The following PHF24 variants were observed in gnomAD, a reference collection of about 807,000 sequenced individuals.
The protein encoded by PHF24 is Galpha inhibitory interacting protein.
PHF24 carries 25 observed loss-of-function variants against 42.6 expected under a neutral mutation model. The observed-to-expected ratio is 0.59, with a 90% CI of 0.43 to 0.82. The LOEUF is 0.82. PHF24 is among the 40% of genes least tolerant of loss of function. The pLI, the probability that PHF24 is intolerant of heterozygous loss-of-function variation, is 0.00. For missense variants in PHF24, 470 were observed against 538.1 expected (o/e 0.87, Z 1.25); for synonymous variants, 185 against 204.8 (o/e 0.90, Z 0.83).
At chr9:34,914,616 C>A in the PHF24 span, among the ~76,000 whole-genome samples, 4 of 152,128 alleles carry the variant, frequency 2.6e-5, no homozygotes, top group Non-Finnish European at 5.9e-5. Context: ...CCATGAATCT[C>A]ATGTCGGTTC....
chr9:34,720,471 A>C, the PHF24 span, among the ~76,000 whole-genome samples: 3 of 150,896 alleles, frequency 2.0e-5, no homozygotes, highest in South Asian at 4.2e-4. Flanking sequence ...ACAAAACAAA[A>C]CAAAAAACAT....
chr9:34,948,006 G>A, the PHF24 span, among the ~76,000 whole-genome samples: 2 of 151,892 alleles, frequency 1.3e-5, no homozygotes, highest in African/African-American at 2.4e-5. Flanking sequence ...CTACTCGGGA[G>A]GCTGAGGCAG....
the PHF24 span, chr9:34,723,615 A>T: frequency 1.9e-6 from 3 of 1,551,650 alleles, no homozygotes; most frequent in Non-Finnish European, 1.7e-6. Flanking sequence ...CTGAAGCTAG[A>T]CTCTGTAAGG....
At chr9:34,803,738 T>C in the PHF24 span, among the ~76,000 whole-genome samples, 1 of 152,212 alleles carries the variant, frequency 6.6e-6, no homozygotes, top group South Asian at 2.1e-4. Flanking sequence ...ACTCTTCCTA[T>C]GTCCATAAAG....
At chr9:34,741,166 A>G in the PHF24 span, among the ~76,000 whole-genome samples, 2 of 151,900 alleles carry the variant, frequency 1.3e-5, no homozygotes, top group Admixed American at 6.6e-5. Context: ...GATTACAGGC[A>G]TGAGCCACTG....
the PHF24 span, among the ~76,000 whole-genome samples, chr9:34,679,717 A>T: frequency 1.3e-5 from 2 of 152,090 alleles, no homozygotes; most frequent in African/African-American, 4.8e-5. Flanking sequence ...CCTTCTCAAA[A>T]AACTTCCATA....
chr9:34,787,035 T>C, the PHF24 span, among the ~76,000 whole-genome samples: 2 of 152,058 alleles, frequency 1.3e-5, no homozygotes, highest in African/African-American at 4.8e-5. Context: ...CAGGACTTTG[T>C]GGCCAGCGCT....
the PHF24 span, among the ~76,000 whole-genome samples, chr9:34,801,821 A>T: frequency 6.7e-6 from 1 of 149,910 alleles, no homozygotes; most frequent in Middle Eastern, 3.4e-3. Context: ...AGAAAACCAA[A>T]CACTGCATGT....
chr9:34,772,992 T>C, the PHF24 span, among the ~76,000 whole-genome samples: 1 of 139,616 alleles, frequency 7.2e-6, no homozygotes, highest in Non-Finnish European at 1.6e-5. Context: ...CAGAGTTCTG[T>C]TTTTTTTTTT....
At chr9:34,805,100 A>G in the PHF24 span, among the ~76,000 whole-genome samples, 4 of 152,280 alleles carry the variant, frequency 2.6e-5, no homozygotes, top group African/African-American at 9.6e-5. Flanking sequence ...TTGTTTATCC[A>G]TTTATTTGCT....
the PHF24 span, among the ~76,000 whole-genome samples, chr9:34,698,222 G>T: frequency 6.6e-6 from 1 of 151,986 alleles, no homozygotes; most frequent in Non-Finnish European, 1.5e-5. Flanking sequence ...CCTCTTGATT[G>T]GGTGGGGGGC....
chr9:34,872,208 AT>A, the PHF24 span, among the ~76,000 whole-genome samples: 1 of 150,306 alleles, frequency 6.7e-6, no homozygotes, highest in African/African-American at 2.4e-5. Flanking sequence ...TTTATTTTTT[AT>A]TTTTTTATTA....
intron 1 of PHF24, 83 bp from the exon 2 acceptor site, chr9:34,971,212 C>G: frequency 6.8e-7 from 1 of 1,463,010 alleles, no homozygotes; most frequent in Non-Finnish European, 9.2e-7. Context: ...TGTTTAATAG[C>G]CCTTGCCACT....
chr9:34,907,229 T>C, the PHF24 span, among the ~76,000 whole-genome samples: 2 of 152,180 alleles, frequency 1.3e-5, no homozygotes, highest in Non-Finnish European at 2.9e-5. Context: ...CCTCTCACTT[T>C]CCCTTAACGT....
the PHF24 span, among the ~76,000 whole-genome samples, chr9:34,753,387 C>T: frequency 6.6e-6 from 1 of 151,998 alleles, no homozygotes; most frequent in East Asian, 1.9e-4. Context: ...GAAAGTAATC[C>T]CGCTGATAAC....
At chr9:34,735,019 G>A in the PHF24 span, among the ~76,000 whole-genome samples, 3 of 151,922 alleles carry the variant, frequency 2.0e-5, no homozygotes, top group East Asian at 1.9e-4. Flanking sequence ...TGACTAGACT[G>A]AATCAATCTC....
the PHF24 span, among the ~76,000 whole-genome samples, chr9:34,697,027 C>T: frequency 1.3e-5 from 2 of 152,134 alleles, no homozygotes; most frequent in Non-Finnish European, 2.9e-5. Flanking sequence ...TCCCAGGAAC[C>T]AGTGAGGACA....
chr9:34,736,090 A>C, the PHF24 span, among the ~76,000 whole-genome samples: 1 of 152,090 alleles, frequency 6.6e-6, no homozygotes, highest in Non-Finnish European at 1.5e-5. Context: ...TGGAGGAAAA[A>C]ATAAGTGAAC....
the PHF24 span, among the ~76,000 whole-genome samples, chr9:34,884,243 A>T: frequency 6.6e-6 from 1 of 152,216 alleles, no homozygotes; most frequent in Non-Finnish European, 1.5e-5. Context: ...GAGGGATAGC[A>T]TTAGGAGATA....
Sources: gnomAD v4.1 joint callset for allele counts (sites outside exome capture counted in the v4.1 genomes callset) on GRCh38, gnomAD v4.1.1 for gene constraint, MANE v1.5 for transcripts, NCBI Gene and HGNC (gene_info 2026-07-23, HGNC 2026-07-21) for gene names.